Variants in DCC observed in about 807,000 individuals in gnomAD.
The protein encoded by DCC is DCC netrin 1 receptor, also known as netrin receptor DCC.
In DCC, 58 loss-of-function variants were observed where a neutral mutation model predicts 172.5. The ratio of observed to expected loss-of-function variants is 0.34; its 90% CI spans 0.27 to 0.42. The LOEUF (loss-of-function observed/expected upper bound fraction) is 0.42. Ranked by LOEUF, DCC falls within the 10% of genes least tolerant of loss-of-function variation. The pLI, the probability that DCC is intolerant of heterozygous loss-of-function variation, is 1.00. For synonymous variants in DCC, 709 were observed against 644.5 expected (o/e 1.10, Z -1.52); for missense variants, 1,740 against 1,791.0 (o/e 0.97, Z 0.51).
intron 2 of DCC, among the ~76,000 whole-genome samples, chr18:52,890,952 G>T (rs2039641206): frequency 6.6e-6 from 1 of 151,992 alleles, no homozygotes; most frequent in Non-Finnish European, 1.5e-5. Flanking sequence ...TTGAAAAGCG[G>T]AATGACTTTA....
At chr18:52,525,732 T>A (rs1247991252) in intron 1 of DCC, among the ~76,000 whole-genome samples, 1 of 152,188 alleles carries the variant, frequency 6.6e-6, no homozygotes, top group African/African-American at 2.4e-5. Context: ...AATGTGATAG[T>A]TATTGTCATA....
At chr18:52,763,053 A>T (rs2037188750) in intron 2 of DCC, among the ~76,000 whole-genome samples, 1 of 152,172 alleles carries the variant, frequency 6.6e-6, no homozygotes, top group Admixed American at 6.5e-5. Flanking sequence ...CAATCTACTG[A>T]TGAACACCAT....
rs548744501 is a variant in DCC at position 52,801,566 on chromosome 18, T to C, written c.412+49192T>C. On this transcript the variant is annotated intron_variant, in intron 2 of 28. Transcript: ENST00000442544. ...TGCAAGACAAAATAATAATTAAAAG[T>C]CTATCTATGTTTCTATCCATACAAC... 3.3e-5 allele frequency among the ~76,000 whole-genome samples: 5 copies of C among 152,294 alleles called. No homozygotes were observed. The South Asian group carries it at 1.0e-3, about 32-fold the overall frequency.
chr18:52,661,003 A>C (rs777130207), intron 1 of DCC, among the ~76,000 whole-genome samples: 8 of 152,200 alleles, frequency 5.3e-5, no homozygotes, highest in Non-Finnish European at 1.0e-4. Flanking sequence ...CCAACAAGAC[A>C]GGAGGAAATA....
intron 1 of DCC, among the ~76,000 whole-genome samples, chr18:52,398,473 T>A (rs1315867452): frequency 2.0e-5 from 3 of 151,994 alleles, no homozygotes. Context: ...TGTAACTTTT[T>A]ATGCGTATAA....
At chr18:52,634,596 G>A (rs560039447) in intron 1 of DCC, among the ~76,000 whole-genome samples, 1 of 152,146 alleles carries the variant, frequency 6.6e-6, no homozygotes, top group Admixed American at 6.5e-5. Flanking sequence ...AAATACATTG[G>A]TGTTTCCTTA....
chr18:52,928,846 C>T (rs1001420027), intron 5 of DCC, among the ~76,000 whole-genome samples: 9 of 152,082 alleles, frequency 5.9e-5, no homozygotes, highest in African/African-American at 2.2e-4. Context: ...GGCACATGCC[C>T]ATCTGGACAT....
At position 53,530,259 on chromosome 18, in the gene DCC, C is replaced by T. The variant is rs2046510951; in HGVS notation, c.4255-305C>T. 25 of 692,304 alleles carry T rather than the reference C, an allele frequency of 3.6e-5. No homozygotes were observed. The South Asian group carries it at 3.7e-4, about 10-fold the overall frequency. 42.9% of individuals were successfully genotyped at this position (692,304 alleles called of 1,614,324 possible). ...AAATTACGTATCAGAGAGGTGCACT[C>T]ACTTGTCTAAGACCACACAGCTAAT... On this transcript the variant is annotated intron_variant, in intron 28 of 28. Coordinates refer to ENST00000442544, the MANE Select transcript of DCC (RefSeq NM_005215.4).
intron 28 of DCC, among the ~76,000 whole-genome samples, chr18:53,527,264 GT>G (rs2046469327): frequency 6.6e-6 from 1 of 150,704 alleles, no homozygotes; most frequent in East Asian, 2.0e-4. Context: ...CTAGAGGGTA[GT>G]GGCTATTCAC....
chr18:53,292,646 GCCA>G (rs1327076137), intron 12 of DCC, among the ~76,000 whole-genome samples: 2 of 152,152 alleles, frequency 1.3e-5, no homozygotes. Context: ...CCGAGATCGT[GCCA>G]CTGCACTCCA....
At chr18:52,582,850 A>G (rs1255120352) in intron 1 of DCC, among the ~76,000 whole-genome samples, 2 of 152,192 alleles carry the variant, frequency 1.3e-5, no homozygotes, top group African/African-American at 4.8e-5. Flanking sequence ...GAGGGAAGAG[A>G]AGAAAATGAC....
chr18:52,805,847 A>G (rs947821957), intron 2 of DCC, among the ~76,000 whole-genome samples: 1 of 152,228 alleles, frequency 6.6e-6, no homozygotes, highest in African/African-American at 2.4e-5. Flanking sequence ...CTCAAGAGAT[A>G]GGCAGTACCA....
rs148043564 is a variant in DCC, at chr18:52,879,957, G to T, written c.413-26087G>T. On this transcript the variant is annotated intron_variant, in intron 2 of 28. Transcript: ENST00000442544. ...GCATGAGGTGTTTTGATACAGGCAT[G>T]TGGTATGTAATAATTATGTCATGGA... Among the ~76,000 whole-genome samples the T allele has an allele frequency of 3.0e-4, 45 of 152,232 alleles. No individual in the cohort carries two copies. In the East Asian group the frequency reaches 8.3e-3, roughly 28 times the overall value.
intron 12 of DCC, among the ~76,000 whole-genome samples, chr18:53,254,242 G>T (rs907023684): frequency 7.2e-5 from 11 of 152,030 alleles, no homozygotes; most frequent in Non-Finnish European, 1.5e-4. Flanking sequence ...GCTCTGAAAT[G>T]ATAACTTTTT....
chr18:53,153,108 T>C (rs1477123447), intron 7 of DCC, among the ~76,000 whole-genome samples: 1 of 152,168 alleles, frequency 6.6e-6, no homozygotes, highest in African/African-American at 2.4e-5. Flanking sequence ...AGTGAGATGC[T>C]CTTGGAGGAA....
chr18:52,751,542 G>T (rs1234491781), intron 1 of DCC, among the ~76,000 whole-genome samples: 1 of 152,122 alleles, frequency 6.6e-6, no homozygotes, highest in South Asian at 2.1e-4. Flanking sequence ...AAACCCACCT[G>T]AGCTTTGTCC....
chr18:52,981,097 A>G (rs1417136773), intron 5 of DCC, among the ~76,000 whole-genome samples: 2 of 152,158 alleles, frequency 1.3e-5, no homozygotes, highest in African/African-American at 2.4e-5. Flanking sequence ...AATACTGGCT[A>G]AGACTTTCAA....
At chr18:52,691,096 C>T (rs1222062303) in intron 1 of DCC, among the ~76,000 whole-genome samples, 1 of 152,160 alleles carries the variant, frequency 6.6e-6, no homozygotes. Context: ...AGCTAGTACA[C>T]TCATTCCCTG....
At chr18:52,575,409 A>T (rs561330576) in intron 1 of DCC, among the ~76,000 whole-genome samples, 4 of 152,282 alleles carry the variant, frequency 2.6e-5, no homozygotes, top group Admixed American at 2.6e-4. Flanking sequence ...TTTATTACTC[A>T]CGTTATTCAC....
Sources: gnomAD v4.1 joint callset for allele counts (sites outside exome capture counted in the v4.1 genomes callset) on GRCh38, gnomAD v4.1.1 for gene constraint, MANE v1.5 for transcripts, NCBI Gene and HGNC (gene_info 2026-07-23, HGNC 2026-07-21) for gene names.